The following ZHX3 variants were observed in gnomAD, a reference collection of about 807,000 sequenced individuals.
ZHX3 encodes zinc fingers and homeoboxes protein 3.
A neutral mutation model predicts 64.5 loss-of-function variants in ZHX3; 20 were observed. That is an observed-to-expected ratio of 0.31 (90% CI 0.22 to 0.45). The LOEUF is 0.45. ZHX3 is among the 20% of genes least tolerant of loss of function. The pLI, the probability that ZHX3 is intolerant of heterozygous loss-of-function variation, is 1.00. For synonymous variants in ZHX3, 423 were observed against 461.6 expected (o/e 0.92, Z 1.07); for missense variants, 1,041 against 1,195.8 (o/e 0.87, Z 1.91).
chr20:41,239,309 A>G (rs2041230329), intron 2 of ZHX3, among the ~76,000 whole-genome samples: 1 of 151,866 alleles, frequency 6.6e-6, no homozygotes, highest in African/African-American at 2.4e-5. Context: ...GTGCCTGGCC[A>G]ATAAGGGCCT....
intron 1 of ZHX3, among the ~76,000 whole-genome samples, chr20:41,273,316 T>G (rs1227649382): frequency 6.6e-6 from 1 of 152,228 alleles, no homozygotes; most frequent in African/African-American, 2.4e-5. Context: ...ATTCTGCAGG[T>G]TGCCTTTCCA....
intron 1 of ZHX3, among the ~76,000 whole-genome samples, chr20:41,297,505 C>T (rs759785803): frequency 3.3e-5 from 5 of 152,330 alleles, no homozygotes; most frequent in Non-Finnish European, 5.9e-5. Flanking sequence ...ATAGCAGCCT[C>T]GCAAACATCC....
Position 41,204,819 on chromosome 20 carries a change from A to G in ZHX3, c.98T>C (p.Leu33Ser), listed in dbSNP as rs778950424. The change falls in exon 3 of 4, where the codon TTG becomes TCG. Residue 33 changes from leucine (L) to serine (S), a missense_variant. By Grantham distance (145) the Leu-to-Ser change is moderately radical. Coordinates refer to ENST00000683867, the MANE Select transcript of ZHX3 (RefSeq NM_001384317.1). This position sits in a 1 kb window ranked among gnomAD's most constrained non-coding sequence, Gnocchi z 6.6. Reference sequence around the variant, plus strand: ...CAGATCCTGCTGGGGTCCTTCAGGCAAGGTCTCAGCGGGCTGGGCCTCCAT... The same window carrying G: ...CAGATCCTGCTGGGGTCCTTCAGGCGAGGTCTCAGCGGGCTGGGCCTCCAT... ...ASMEAQPAET[L>S]PEGPQQDLPP... The G allele has an allele frequency of 3.7e-6, 6 of 1,611,574 alleles. No homozygotes were observed. The Admixed American group carries it at 1.0e-4, about 27-fold the overall frequency.
chr20:41,185,031 C>T lies in ZHX3; in HGVS notation c.*160G>A, dbSNP rs767274421. 2.1e-5 allele frequency: 32 copies of T among 1,551,514 alleles called. 1 individual carries two copies. Among genetic ancestry groups the T allele is most frequent in the Middle Eastern group, 1.7e-4 (1 of 6,014 alleles). ...TTGGTGGTGGGCAGGCCGAGGGTAG[C>T]GGCAGGCTCTGGGCTGTCTGCGAGG... On this transcript the variant is annotated 3_prime_UTR_variant, in exon 4 of 4. Coordinates refer to ENST00000683867, the MANE Select transcript of ZHX3 (RefSeq NM_001384317.1). The surrounding 1 kb of genome is among the most constrained non-coding windows in gnomAD (Gnocchi z 5.0).
chr20:41,233,139 TACA>T (rs760825407), intron 2 of ZHX3, among the ~76,000 whole-genome samples: 8 of 152,232 alleles, frequency 5.3e-5, no homozygotes, highest in Non-Finnish European at 1.0e-4. Flanking sequence ...CAGACTCTGA[TACA>T]ACTAGCTGGC....
At chr20:41,245,314 T>C (rs1044144456) in intron 2 of ZHX3, among the ~76,000 whole-genome samples, 11 of 152,246 alleles carry the variant, frequency 7.2e-5, no homozygotes, top group African/African-American at 2.7e-4. Flanking sequence ...GACTCCTCCA[T>C]GCTGTGCCTC....
At chr20:41,217,066 A>T (rs867358035) in intron 2 of ZHX3, among the ~76,000 whole-genome samples, 10 of 152,176 alleles carry the variant, frequency 6.6e-5, no homozygotes, top group African/African-American at 2.4e-4. Context: ...CCTGTCATAG[A>T]TGAAACTGGG....
At chr20:41,241,406 T>G (rs1488707267) in intron 2 of ZHX3, among the ~76,000 whole-genome samples, 2 of 152,258 alleles carry the variant, frequency 1.3e-5, no homozygotes, top group African/African-American at 4.8e-5. Context: ...TTCTGATTAT[T>G]AATCCTTTGT....
chr20:41,294,078 C>T (rs770902939), intron 1 of ZHX3, among the ~76,000 whole-genome samples: 1 of 152,094 alleles, frequency 6.6e-6, no homozygotes, highest in Non-Finnish European at 1.5e-5. Flanking sequence ...AGTTCCGAGG[C>T]TCCCCAGGGC....
chr20:41,299,809 C>T (rs770414417), intron 1 of ZHX3, among the ~76,000 whole-genome samples: 6 of 143,840 alleles, frequency 4.2e-5, no homozygotes, highest in Non-Finnish European at 8.9e-5. Flanking sequence ...TTGCAGTAAG[C>T]CAAATATTAC....
At chr20:41,241,128 A>G (rs565378816) in intron 2 of ZHX3, among the ~76,000 whole-genome samples, 1 of 152,344 alleles carries the variant, frequency 6.6e-6, no homozygotes, top group South Asian at 2.1e-4. Context: ...TCCCAGCAAC[A>G]GTGTACAAGG....
chr20:41,208,596 G>C (rs2038914109), intron 2 of ZHX3, among the ~76,000 whole-genome samples: 1 of 152,130 alleles, frequency 6.6e-6, no homozygotes, highest in East Asian at 1.9e-4. Flanking sequence ...AAAACCACAT[G>C]ATTATCTCAA....
In ZHX3 at chr20:41,203,584, G is replaced by C; in HGVS notation, c.1333C>G (p.Leu445Val). The stretch of plus-strand genomic sequence containing the variant: ...TGCTTGGGGACGGATGTCACCGTGA[G>C]GGGGAGAGGGGAACTTGTTGCTTGC... ...GLQATSSPLP[L>V]TVTSVPKQPG... Residue 445 changes from leucine (L) to valine (V), a missense_variant, in exon 3 of 4, where the codon CTC becomes GTC. Transcript: ENST00000683867. This position sits in a 1 kb window ranked among gnomAD's most constrained non-coding sequence, Gnocchi z 7.1. The C allele has an allele frequency of 6.2e-7, 1 of 1,614,250 alleles. No individual in the cohort carries two copies.
intron 1 of ZHX3, chr20:41,272,251 G>C (rs1467278690): frequency 1.3e-5 from 2 of 152,200 alleles, no homozygotes; most frequent in Non-Finnish European, 2.9e-5. Context: ...GAGCTGGAAA[G>C]AACTTCCCAA....
At chr20:41,209,597 G>A (rs973701031) in intron 2 of ZHX3, among the ~76,000 whole-genome samples, 7 of 152,134 alleles carry the variant, frequency 4.6e-5, no homozygotes, top group African/African-American at 1.7e-4. Flanking sequence ...AATGGGGAAA[G>A]GATTCCCTAT....
At chr20:41,307,900 A>C (rs994743216) in intron 1 of ZHX3, among the ~76,000 whole-genome samples, 1 of 152,154 alleles carries the variant, frequency 6.6e-6, no homozygotes, top group Admixed American at 6.6e-5. Flanking sequence ...TAGAGATCTA[A>C]ATGCACCTCG....
Position 41,203,166 on chromosome 20 carries a change from T to A in ZHX3, c.1751A>T (p.Glu584Val). 11 of 1,614,104 alleles carry A rather than the reference T, an allele frequency of 6.8e-6. No individual in the cohort carries two copies. Among genetic ancestry groups the A allele is most frequent in the African/African-American group, 1.3e-5 (1 of 75,002 alleles). Residue 584 changes from glutamate (E) to valine (V), a missense_variant, in exon 3 of 4, where the codon GAG becomes GTG. Physicochemically the swap from Glu to Val is moderately radical, Grantham distance 121 (BLOSUM62 -2). This residue lies in a region of ZHX3 where 649 missense variants were observed against 739.8 expected (regional missense o/e 0.88). Transcript: ENST00000683867. This position sits in a 1 kb window ranked among gnomAD's most constrained non-coding sequence, Gnocchi z 7.1. ...VSFSPSSKVP[E>V]VTCIPTTATL... ...GGCTGTTGTCGGAATGCAGGTTACC[T>A]CAGGGACCTTGGACGATGGGGAGAA...
intron 2 of ZHX3, among the ~76,000 whole-genome samples, chr20:41,255,165 T>A (rs192913519): frequency 7.2e-5 from 11 of 152,158 alleles, no homozygotes; most frequent in Admixed American, 2.6e-4. Flanking sequence ...ATATATATTT[T>A]TTTTGACATG....
intron 1 of ZHX3, among the ~76,000 whole-genome samples, chr20:41,309,106 G>A (rs2045058750): frequency 6.6e-6 from 1 of 151,952 alleles, no homozygotes; most frequent in South Asian, 2.1e-4. Context: ...GCTATACTTT[G>A]AATTATTTTA....
Sources: allele counts gnomAD v4.1 joint callset (sites outside exome capture counted in the v4.1 genomes callset), GRCh38; gene constraint gnomAD v4.1.1; regional missense constraint gnomAD v4.1.1; non-coding constraint Gnocchi (gnomAD v3.1); transcripts MANE v1.5; gene names NCBI Gene and HGNC (gene_info 2026-07-23, HGNC 2026-07-21).